The following ACSL4 variants were observed in gnomAD, a reference collection of about 807,000 sequenced individuals.
ACSL4 encodes the protein acyl-CoA synthetase long chain family member 4, also known as long-chain-fatty-acid--CoA ligase 4.
Under a neutral mutation model 49.1 loss-of-function variants are expected in ACSL4, and 9 were observed. The observed-to-expected ratio is 0.18, with a 90% CI of 0.11 to 0.32. The LOEUF is 0.32. Ranked by LOEUF, ACSL4 falls within the 10% of genes least tolerant of loss-of-function variation. ACSL4 has a pLI of 1.00. For missense variants in ACSL4, 333 were observed against 493.7 expected, an observed-to-expected ratio of 0.67 and a Z score of 3.08; for synonymous variants, 191 against 170.3, an observed-to-expected ratio of 1.12 and a Z score of -0.95.
intron 1 of ACSL4, among the ~76,000 whole-genome samples, chrX:109,712,314 G>A (rs1020692375): frequency 9.0e-6 from 1 of 111,456 alleles, no homozygotes. Flanking sequence ...GCCCAGGCTG[G>A]TCTCAAAACT....
intron 2 of ACSL4, among the ~76,000 whole-genome samples, chrX:109,690,666 A>G (rs1924970610): frequency 9.3e-6 from 1 of 108,069 alleles, no homozygotes; most frequent in Non-Finnish European, 1.9e-5. Context: ...ATACTGGTAT[A>G]ATCTAAATAA....
intron 9 of ACSL4, among the ~76,000 whole-genome samples, chrX:109,669,414 G>A (rs1202304039): frequency 3.0e-5 from 3 of 98,378 alleles, no homozygotes; most frequent in Admixed American, 1.1e-4. Context: ...TTTTTTTTGA[G>A]ACGGAGTCTC....
chrX:109,661,501 G>T, intron 14 of ACSL4, 30 bp downstream of exon 14: 1 of 1,063,500 alleles, frequency 9.4e-7, no homozygotes, highest in Non-Finnish European at 1.3e-6. Flanking sequence ...TTTGACTTAC[G>T]AAACAAAAAA....
At chrX:109,710,138 A>G (rs761906875) in intron 1 of ACSL4, among the ~76,000 whole-genome samples, 7 of 112,181 alleles carry the variant, frequency 6.2e-5, no homozygotes, top group Non-Finnish European at 1.3e-4. Flanking sequence ...GTAGGTGAAC[A>G]CATTTCCCAG....
At chrX:109,657,151 A>C (rs1044495897) in intron 15 of ACSL4, among the ~76,000 whole-genome samples, 1 of 111,814 alleles carries the variant, frequency 8.9e-6, no homozygotes, top group Non-Finnish European at 1.9e-5. Context: ...CTCTCCCAAT[A>C]AGATTTGGAC....
chrX:109,694,600 A>T lies in ACSL4; in HGVS notation c.-13+1544T>A, dbSNP rs193115700. ...TAAAGCCCTACCATTTACTATCACC[A>T]TAATTTCATGAGATAAATAACATGT... On this transcript the variant is annotated intron_variant, in intron 2 of 15. Coordinates refer to ENST00000672401, the MANE Select transcript of ACSL4 (RefSeq NM_001318510.2). 1.5e-4 allele frequency among the ~76,000 whole-genome samples: 17 copies of T among 112,267 alleles called. No individual in the cohort carries two copies. In the East Asian group the frequency reaches 4.7e-3, roughly 31 times the overall value.
At chrX:109,657,184 A>G (rs886664058) in intron 15 of ACSL4, among the ~76,000 whole-genome samples, 5 of 111,789 alleles carry the variant, frequency 4.5e-5, no homozygotes, top group African/African-American at 1.3e-4. Flanking sequence ...CCTGCTGGAC[A>G]TTTTAACTTT....
chrX:109,732,904 A>G (rs951921924), intron 1 of ACSL4: 7 of 272,892 alleles, frequency 2.6e-5, no homozygotes, highest in East Asian at 2.3e-4. Flanking sequence ...AGGACCCCAG[A>G]GTCCATCACA....
intron 15 of ACSL4, among the ~76,000 whole-genome samples, chrX:109,655,044 G>C (rs1324327096): frequency 1.8e-5 from 2 of 111,579 alleles, no homozygotes; most frequent in African/African-American, 6.5e-5. Flanking sequence ...CAAAAGACTG[G>C]AGAAATCTCC....
intron 1 of ACSL4, among the ~76,000 whole-genome samples, chrX:109,717,451 G>A (rs1319512844): frequency 9.0e-6 from 1 of 110,544 alleles, no homozygotes; most frequent in Non-Finnish European, 1.9e-5. Context: ...AGCCCAGATA[G>A]CGCCATTGCA....
chrX:109,708,692 TGA>T (rs1926542173), intron 1 of ACSL4, among the ~76,000 whole-genome samples: 1 of 112,201 alleles, frequency 8.9e-6, no homozygotes, highest in South Asian at 3.7e-4. Context: ...TGGTACAAGC[TGA>T]GTCTCCCTAA....
intron 15 of ACSL4, among the ~76,000 whole-genome samples, chrX:109,646,450 A>C (rs375122124): frequency 5.5e-5 from 6 of 109,392 alleles, no homozygotes; most frequent in African/African-American, 1.3e-4. Flanking sequence ...GAAATAAAAT[A>C]CTTTACAGAC....
At chrX:109,724,160 TA>T (rs1284029096) in intron 1 of ACSL4, among the ~76,000 whole-genome samples, 2 of 112,459 alleles carry the variant, frequency 1.8e-5, no homozygotes, top group African/African-American at 6.4e-5. Context: ...TAAACGATCA[TA>T]AAAATATGTA....
chrX:109,715,735 A>G (rs1360151100), intron 1 of ACSL4, among the ~76,000 whole-genome samples: 2 of 111,874 alleles, frequency 1.8e-5, no homozygotes, highest in South Asian at 3.7e-4. Flanking sequence ...AAATCTAAAC[A>G]AAAGTATCCA....
At chrX:109,685,474 G>GA (rs1427291329) in intron 2 of ACSL4, 1 of 111,218 alleles carries the variant, frequency 9.0e-6, no homozygotes, top group African/African-American at 3.3e-5. Flanking sequence ...ATTTCAACCA[G>GA]AAAAATCAAA....
chrX:109,678,859 T>C (rs909934024), intron 6 of ACSL4, among the ~76,000 whole-genome samples: 13 of 112,498 alleles, frequency 1.2e-4, no homozygotes, highest in African/African-American at 4.2e-4. Flanking sequence ...CATTTTGGAC[T>C]CAATTTGGCC....
At chrX:109,699,054 A>G (rs756903219) in intron 1 of ACSL4, among the ~76,000 whole-genome samples, 1 of 112,790 alleles carries the variant, frequency 8.9e-6, no homozygotes, top group African/African-American at 3.2e-5. Flanking sequence ...AATGTTTCAG[A>G]AAACAGTGGA....
At chrX:109,689,570 C>T (rs1471788980) in intron 2 of ACSL4, among the ~76,000 whole-genome samples, 2 of 112,329 alleles carry the variant, frequency 1.8e-5, no homozygotes, top group African/African-American at 3.2e-5. Context: ...CCCATTTGTT[C>T]CTGCCCCATG....
chrX:109,716,335 C>G (rs1603411424), intron 1 of ACSL4, among the ~76,000 whole-genome samples: 2 of 112,160 alleles, frequency 1.8e-5, no homozygotes, highest in African/African-American at 6.5e-5. Context: ...TGGAATTAAC[C>G]AGTTATACCT....
Sources: gnomAD v4.1 joint callset for allele counts (sites outside exome capture counted in the v4.1 genomes callset) on GRCh38, gnomAD v4.1.1 for gene constraint, MANE v1.5 for transcripts, NCBI Gene and HGNC (gene_info 2026-07-23, HGNC 2026-07-21) for gene names.